Variants in PLPPR2 observed in about 807,000 individuals in gnomAD.
PLPPR2 encodes phospholipid phosphatase related 2.
PLPPR2 carries 11 observed loss-of-function variants against 40.3 expected under a neutral mutation model. The ratio of observed to expected loss-of-function variants is 0.27; its 90% CI spans 0.17 to 0.45. The LOEUF is 0.45. PLPPR2 is among the 20% of genes least tolerant of loss of function. PLPPR2 has a pLI of 1.00. For synonymous variants in PLPPR2, 260 were observed against 290.8 expected (o/e 0.89, Z 1.08); for missense variants, 497 against 640.7 (o/e 0.78, Z 2.42).
chr19:11,358,298 C>T (rs977361624), intron 3 of PLPPR2, among the ~76,000 whole-genome samples: 3 of 152,154 alleles, frequency 2.0e-5, no homozygotes, highest in Non-Finnish European at 4.4e-5. Context: ...TCAAGCAATC[C>T]TCCTGCCTCA....
intron 5 of PLPPR2, among the ~76,000 whole-genome samples, chr19:11,360,716 G>A (rs1292947682): frequency 6.6e-6 from 1 of 152,106 alleles, no homozygotes; most frequent in African/African-American, 2.4e-5. Context: ...GCCTCAAGTA[G>A]TGGCTGTGGG....
At position 11,364,698 on chromosome 19, in the gene PLPPR2, C is replaced by G. The variant is rs1265203123; in HGVS notation, c.*8C>G. ...CGTGACCACCTGCTGTGAGGCCCGA[C>G]CACCCACCCAGAATCTGCCCAGTCC... is the stretch of plus-strand genomic sequence containing the variant. On this transcript the variant is annotated 3_prime_UTR_variant, in exon 10 of 10. Coordinates refer to ENST00000688289, the MANE Select transcript of PLPPR2 (RefSeq NM_001393892.1). This position sits in a 1 kb window ranked among gnomAD's most constrained non-coding sequence, Gnocchi z 5.8. 26 of 1,537,158 alleles carry G rather than the reference C, an allele frequency of 1.7e-5. No homozygotes were observed. Among genetic ancestry groups the G allele is most frequent in the Non-Finnish European group, 2.3e-5 (26 of 1,146,844 alleles).
Position 11,362,069 on chromosome 19 carries a change from C to T in PLPPR2, c.664-444C>T, listed in dbSNP as rs1274204723. Reference sequence around the variant, plus strand: ...TTTCTGGCATCCGGGTTTATGCTCCCACCCTGTCAGTGGTCCCCTAGGGGT... The same window carrying T: ...TTTCTGGCATCCGGGTTTATGCTCCTACCCTGTCAGTGGTCCCCTAGGGGT... On this transcript the variant is annotated intron_variant, in intron 6 of 9. Transcript: ENST00000688289. This position sits in a 1 kb window ranked among gnomAD's most constrained non-coding sequence, Gnocchi z 5.3. 6.6e-6 allele frequency among the ~76,000 whole-genome samples: 1 copy of T among 152,156 alleles called. No individual in the cohort carries two copies. The highest frequency in any genetic ancestry group is 1.5e-5 in the Non-Finnish European group (1 of 68,004).
rs1222012337 is a variant in PLPPR2, at chr19:11,364,674, G to A, written c.1343G>A (p.Arg448His). 4.6e-6 allele frequency: 7 copies of A among 1,536,696 alleles called. No homozygotes were observed. Among genetic ancestry groups the A allele is most frequent in the South Asian group, 1.2e-5 (1 of 84,000 alleles). ...DNFSPYLFAS[R>H]DHLL ...TTCAGCCCTTACCTGTTTGCCAGCC[G>A]TGACCACCTGCTGTGAGGCCCGACC... The change falls in exon 10 of 10, where the codon CGT (arginine) becomes CAT (histidine). Residue 448 changes from arginine to histidine, a missense_variant. Coordinates refer to ENST00000688289, the MANE Select transcript of PLPPR2 (RefSeq NM_001393892.1). This position sits in a 1 kb window ranked among gnomAD's most constrained non-coding sequence, Gnocchi z 5.8.
In PLPPR2 at chr19:11,359,365, A is replaced by C; in HGVS notation, c.67-167A>C. 1.8e-6 allele frequency: 1 copy of C among 556,660 alleles called. No individual in the cohort carries two copies. Among genetic ancestry groups the C allele is most frequent in the Non-Finnish European group, 2.9e-6 (1 of 342,992 alleles). The allele number at this position is 556,660 out of a possible 1,614,324, so 34.5% of individuals were successfully genotyped here. ...GACCCTTCTCTCACCTCCTTTCCCC[A>C]TTTCTCTCAGTCTCTCTCCCCCTTG... is the stretch of plus-strand genomic sequence containing the variant. On this transcript the variant is annotated intron_variant, in intron 3 of 9. Coordinates refer to ENST00000688289, the MANE Select transcript of PLPPR2 (RefSeq NM_001393892.1). This position sits in a 1 kb window ranked among gnomAD's most constrained non-coding sequence, Gnocchi z 5.6.
At position 11,361,455 on chromosome 19, in the gene PLPPR2, G is replaced by T. The variant is rs748672765; in HGVS notation, c.630G>T (p.Ala210=). ...AARRAFPCKD[A]ALCAYAVTYT... is the part of the protein sequence containing the mutation. ...GCCGCGCCTTCCCCTGCAAGGATGCGGCCCTCTGCGCCTACGCGGTCACCT... is the reference window on the plus strand; with the variant it reads ...GCCGCGCCTTCCCCTGCAAGGATGCTGCCCTCTGCGCCTACGCGGTCACCT... Residue 210 remains alanine (A), a synonymous_variant, in exon 6 of 10, where the codon GCG becomes GCT. Coordinates refer to ENST00000688289, the MANE Select transcript of PLPPR2 (RefSeq NM_001393892.1). The surrounding 1 kb of genome is among the most constrained non-coding windows in gnomAD (Gnocchi z 6.3). 8 of 1,603,052 alleles carry T rather than the reference G, an allele frequency of 5.0e-6. No homozygotes were observed. In the Admixed American group the frequency reaches 1.3e-4, roughly 27 times the overall value.
intron 2 of PLPPR2, among the ~76,000 whole-genome samples, chr19:11,357,318 AG>A (rs1967914439): frequency 6.6e-6 from 1 of 151,912 alleles, no homozygotes; most frequent in Admixed American, 6.6e-5. Context: ...GCCATGGGGG[AG>A]GGGTTCCCAT....
chr19:11,363,900 G>C lies in PLPPR2; in HGVS notation c.963+65G>C. 1 of 1,550,566 alleles carries C rather than the reference G, an allele frequency of 6.4e-7. No individual in the cohort carries two copies. Among genetic ancestry groups the C allele is most frequent in the Non-Finnish European group, 8.7e-7 (1 of 1,144,454 alleles). ...GTGGGTGGAGGGGGCCAAGGAGACAGGAAGGAAGTCAGGCAAGAGGTGGGG... is the reference window on the plus strand; with the variant it reads ...GTGGGTGGAGGGGGCCAAGGAGACACGAAGGAAGTCAGGCAAGAGGTGGGG... On this transcript the variant is annotated intron_variant, in intron 8 of 9. Transcript: ENST00000688289. The surrounding 1 kb of genome is among the most constrained non-coding windows in gnomAD (Gnocchi z 4.8).
Position 11,364,146 on chromosome 19 carries a change from G to A in PLPPR2, c.964-15G>A. The A allele has an allele frequency of 6.2e-7, 1 of 1,608,810 alleles. No individual in the cohort carries two copies. The highest frequency in any genetic ancestry group is 8.5e-7 in the Non-Finnish European group (1 of 1,176,844). On this transcript the variant is annotated splice_polypyrimidine_tract_variant and intron_variant, in intron 8 of 9. Coordinates refer to ENST00000688289, the MANE Select transcript of PLPPR2 (RefSeq NM_001393892.1). This position sits in a 1 kb window ranked among gnomAD's most constrained non-coding sequence, Gnocchi z 5.8. ...AGGGGGCCACTAGCCCCTTCCGTCTGTCTCTTTGTCTCAGGAACCCGAGGT... is the reference window on the plus strand; with the variant it reads ...AGGGGGCCACTAGCCCCTTCCGTCTATCTCTTTGTCTCAGGAACCCGAGGT...
Position 11,356,399 on chromosome 19 carries a change from G to C in PLPPR2, c.-189-403G>C, listed in dbSNP as rs368265571. ...CTGTAGCGGTGTGGGGGCTTGTGTGGGACTGTGATGTGTGTAGGGTCTCCT... is the reference window on the plus strand; with the variant it reads ...CTGTAGCGGTGTGGGGGCTTGTGTGCGACTGTGATGTGTGTAGGGTCTCCT... On this transcript the variant is annotated intron_variant, in intron 1 of 9. Coordinates refer to ENST00000688289, the MANE Select transcript of PLPPR2 (RefSeq NM_001393892.1). 6.8e-4 allele frequency among the ~76,000 whole-genome samples: 102 copies of C among 150,710 alleles called. 1 individual carries two copies. The highest frequency in any genetic ancestry group is 2.2e-3 in the African/African-American group (89 of 40,902).
chr19:11,362,608 G>C lies in PLPPR2; in HGVS notation c.759G>C (p.Val253=). The C allele has an allele frequency of 6.2e-7, 1 of 1,613,662 alleles. No homozygotes were observed. The highest frequency in any genetic ancestry group is 8.5e-7 in the Non-Finnish European group (1 of 1,180,012). Reference sequence around the variant, plus strand: ...TGTGCCCGGCCTTCCTGGTGGGCGTGGTCCGCGTGGCCGAGTACCGAAACC... The same window carrying C: ...TGTGCCCGGCCTTCCTGGTGGGCGTCGTCCGCGTGGCCGAGTACCGAAACC... ...ALLCPAFLVG[V]VRVAEYRNHW... is the part of the protein sequence containing the mutation. Residue 253 remains valine (V), a synonymous_variant, in exon 7 of 10, where the codon GTG becomes GTC. Transcript: ENST00000688289. The surrounding 1 kb of genome is among the most constrained non-coding windows in gnomAD (Gnocchi z 5.3).
chr19:11,358,686 T>C (rs114777169), intron 3 of PLPPR2, among the ~76,000 whole-genome samples: 1,705 of 151,264 alleles, frequency 0.011, 39 homozygotes, highest in African/African-American at 0.039. Context: ...TTTTCACTTC[T>C]TCCTTTTCTT....
Position 11,364,458 on chromosome 19 carries a change from CG to C in PLPPR2, c.1128del (p.Thr377ArgfsTer51). ...RVPRPRLRSE[P>X]TPLPLPLPLP... ...CCCCGTCCTCGATTGAGGTCTGAGCCGACGCCCTTGCCCCTGCCCCTACCCC... is the reference window on the plus strand; with the variant it reads ...CCCCGTCCTCGATTGAGGTCTGAGCCACGCCCTTGCCCCTGCCCCTACCCC... On this transcript the variant is annotated frameshift_variant, in exon 10 of 10. Coordinates refer to ENST00000688289, the MANE Select transcript of PLPPR2 (RefSeq NM_001393892.1). LOFTEE classifies it high-confidence loss of function. This position sits in a 1 kb window ranked among gnomAD's most constrained non-coding sequence, Gnocchi z 5.8. The C allele has an allele frequency of 6.6e-7, 1 of 1,512,532 alleles. No homozygotes were observed. The highest frequency in any genetic ancestry group is 8.8e-7 in the Non-Finnish European group (1 of 1,137,004). The allele number at this position is 1,512,532 out of a possible 1,614,324, so 93.7% of individuals were successfully genotyped here.
chr19:11,365,036 A>C lies in PLPPR2; in HGVS notation c.*346A>C, dbSNP rs958613919. The stretch of plus-strand genomic sequence containing the variant: ...TGGGAGCCTTCCCCTCACTTCTTAG[A>C]ATCCTCCTGCAAGAGGGCAACTCCA... On this transcript the variant is annotated 3_prime_UTR_variant, in exon 10 of 10. Coordinates refer to ENST00000688289, the MANE Select transcript of PLPPR2 (RefSeq NM_001393892.1). The C allele has an allele frequency of 1.5e-5, 5 of 336,264 alleles. No individual in the cohort carries two copies. In the South Asian group the frequency reaches 1.6e-4, roughly 11 times the overall value. The allele number at this position is 336,264 out of a possible 1,614,324, so 20.8% of individuals were successfully genotyped here.
In PLPPR2 at chr19:11,365,408, C is replaced by A. The variant is rs962544990; in HGVS notation, c.*718C>A. ...TTTTGGGGTTCAGGGTGCTGTGTCT[C>A]CCCTTGCCTGTGCCCAGGTCATCCC... On this transcript the variant is annotated 3_prime_UTR_variant, in exon 10 of 10. Transcript: ENST00000688289. 1.3e-5 allele frequency: 2 copies of A among 152,864 alleles called. No individual in the cohort carries two copies. Among genetic ancestry groups the A allele is most frequent in the African/African-American group, 4.8e-5 (2 of 41,422 alleles). 9.5% of individuals were successfully genotyped at this position (152,864 alleles called of 1,614,324 possible).
chr19:11,359,344 C>T lies in PLPPR2; in HGVS notation c.67-188C>T. 1 of 507,146 alleles carries T rather than the reference C, an allele frequency of 2.0e-6. No homozygotes were observed. Among genetic ancestry groups the T allele is most frequent in the Admixed American group, 3.9e-5 (1 of 25,672 alleles). 31.4% of individuals were successfully genotyped at this position (507,146 alleles called of 1,614,324 possible). ...CTTCTGTTTCTCCTAAGCCCTGACC[C>T]TTCTCTCACCTCCTTTCCCCATTTC... On this transcript the variant is annotated intron_variant, in intron 3 of 9. Coordinates refer to ENST00000688289, the MANE Select transcript of PLPPR2 (RefSeq NM_001393892.1). The surrounding 1 kb of genome is among the most constrained non-coding windows in gnomAD (Gnocchi z 5.6).
intron 1 of PLPPR2, 112 bp downstream of exon 1, chr19:11,355,684 G>A (rs1967843858): frequency 1.3e-5 from 2 of 152,250 alleles, no homozygotes; most frequent in Admixed American, 1.3e-4. Flanking sequence ...GCGGGGAGGG[G>A]CGGGGGAGGG....
At position 11,362,535 on chromosome 19, in the gene PLPPR2, G is replaced by A. The variant is rs147432655; in HGVS notation, c.686G>A (p.Arg229His). ...CAGATGTACGTGACTCTCGTGTTCCGCGTGAAGGGCTCCCGCCTGGTCAAA... is the reference window on the plus strand; with the variant it reads ...CAGATGTACGTGACTCTCGTGTTCCACGTGAAGGGCTCCCGCCTGGTCAAA... Reference protein sequence around the residue: ...YTAMYVTLVFRVKGSRLVKPS... With the variant: ...YTAMYVTLVFHVKGSRLVKPS... Residue 229 changes from arginine to histidine, a missense_variant, in exon 7 of 10, where the codon CGC becomes CAC. Arg to His is a conservative substitution (Grantham distance 29, BLOSUM62 0). Coordinates refer to ENST00000688289, the MANE Select transcript of PLPPR2 (RefSeq NM_001393892.1). This position sits in a 1 kb window ranked among gnomAD's most constrained non-coding sequence, Gnocchi z 5.3. 10 of 1,610,996 alleles carry A rather than the reference G, an allele frequency of 6.2e-6. No individual in the cohort carries two copies. Among genetic ancestry groups the A allele is most frequent in the Non-Finnish European group, 7.6e-6 (9 of 1,179,982 alleles).
chr19:11,358,584 A>C, intron 3 of PLPPR2, among the ~76,000 whole-genome samples: 3 of 146,266 alleles, frequency 2.1e-5, no homozygotes, highest in African/African-American at 5.1e-5. Flanking sequence ...CTCTCTCTAC[A>C]ACTCCCTTCC....
Sources: allele counts gnomAD v4.1 joint callset (sites outside exome capture counted in the v4.1 genomes callset), GRCh38; gene constraint gnomAD v4.1.1; non-coding constraint Gnocchi (gnomAD v3.1); transcripts MANE v1.5; gene names NCBI Gene and HGNC (gene_info 2026-07-23, HGNC 2026-07-21).